Variants in YIPF6 observed in about 807,000 individuals in gnomAD.
The protein encoded by YIPF6 is protein YIPF6.
A neutral mutation model predicts 16.8 loss-of-function variants in YIPF6; 3 were observed. That is an observed-to-expected ratio of 0.18 (90% CI 0.08 to 0.46). The LOEUF (loss-of-function observed/expected upper bound fraction) is 0.46, where lower values mean the gene tolerates loss of function less well. YIPF6 is among the 20% of genes least tolerant of loss of function. The pLI is 0.98. For synonymous variants in YIPF6, 67 were observed against 61.9 expected (o/e 1.08, Z -0.38); for missense variants, 145 against 184.9 (o/e 0.78, Z 1.25).
chrX:68,515,431 C>T (rs1323163091), intron 3 of YIPF6: 1 of 111,772 alleles, frequency 8.9e-6, no homozygotes, highest in African/African-American at 3.2e-5. Context: ...GAGCCACTGC[C>T]CAGCCAATGT....
At chrX:68,530,318 A>G (rs1216885595) in intron 6 of YIPF6, among the ~76,000 whole-genome samples, 3 of 110,801 alleles carry the variant, frequency 2.7e-5, no homozygotes, top group East Asian at 5.8e-4. Context: ...CCTTCCCTCC[A>G]CCAAGCTCAA....
intron 6 of YIPF6, among the ~76,000 whole-genome samples, chrX:68,527,309 C>T (rs2079152674): frequency 9.0e-6 from 1 of 111,728 alleles, no homozygotes; most frequent in Admixed American, 9.5e-5. Flanking sequence ...TCTGTGGGAT[C>T]AGTGTTGATC....
intron 1 of YIPF6, among the ~76,000 whole-genome samples, chrX:68,506,706 A>C (rs1393337387): frequency 9.0e-6 from 1 of 111,389 alleles, no homozygotes; most frequent in Non-Finnish European, 1.9e-5. Flanking sequence ...TCTCTAAAAA[A>C]AAACAATAAA....
chrX:68,515,035 T>C, intron 3 of YIPF6: 1 of 111,816 alleles, frequency 8.9e-6, no homozygotes, highest in Admixed American at 9.5e-5. Context: ...TGTCTAAAAC[T>C]CCTGGCCTTG....
intron 5 of YIPF6, among the ~76,000 whole-genome samples, chrX:68,521,880 C>T (rs976002504): frequency 3.6e-5 from 4 of 110,821 alleles, no homozygotes; most frequent in African/African-American, 1.3e-4. Flanking sequence ...AGGCATGAGC[C>T]ACCATACCTG....
intron 1 of YIPF6, among the ~76,000 whole-genome samples, chrX:68,508,759 C>T (rs1418288268): frequency 8.9e-6 from 1 of 112,270 alleles, no homozygotes; most frequent in Admixed American, 9.5e-5. Flanking sequence ...ACATAGTAAT[C>T]TTAAATTTCT....
At chrX:68,531,854 CTTTT>C in intron 6 of YIPF6, 23 bp from the exon 7 acceptor site, 1 of 1,034,822 alleles carries the variant, frequency 9.7e-7, no homozygotes, top group Non-Finnish European at 1.3e-6. Context: ...TTAAACATTC[CTTTT>C]TGTTTTGTCT....
At chrX:68,523,449 A>G (rs2079135130) in intron 6 of YIPF6, among the ~76,000 whole-genome samples, 1 of 111,867 alleles carries the variant, frequency 8.9e-6, no homozygotes, top group African/African-American at 3.2e-5. Flanking sequence ...TGTGAGTAAG[A>G]GAGTCAAATT....
At chrX:68,516,662 A>C (rs932480439) in intron 3 of YIPF6, among the ~76,000 whole-genome samples, 2 of 112,116 alleles carry the variant, frequency 1.8e-5, no homozygotes, top group African/African-American at 6.5e-5. Flanking sequence ...TAAGTATATA[A>C]ATTTGCGTAC....
intron 6 of YIPF6, among the ~76,000 whole-genome samples, chrX:68,531,147 C>T (rs1295859004): frequency 9.0e-6 from 1 of 110,773 alleles, no homozygotes; most frequent in African/African-American, 3.3e-5. Flanking sequence ...TTTTTTGAGA[C>T]TGGGTCTTTC....
intron 1 of YIPF6, among the ~76,000 whole-genome samples, chrX:68,502,996 A>C (rs2079046493): frequency 9.1e-6 from 1 of 110,417 alleles, no homozygotes; most frequent in Admixed American, 9.7e-5. Context: ...TGTGCAGCAA[A>C]TTTTTGTATT....
chrX:68,532,007 A>G lies in YIPF6; in HGVS notation c.*8A>G. 3 of 1,149,218 alleles carry G rather than the reference A, an allele frequency of 2.6e-6. No individual in the cohort carries two copies. The highest frequency in any genetic ancestry group is 3.6e-6 in the Non-Finnish European group (3 of 842,589). 94.7% of individuals were successfully genotyped at this position (1,149,218 alleles called of 1,213,427 possible). A position where few individuals can be genotyped will look rare whatever the true frequency, so the allele number is the denominator to read the frequency against. On this transcript the variant is annotated 3_prime_UTR_variant, in exon 7 of 7. Coordinates refer to ENST00000462683, the MANE Select transcript of YIPF6 (RefSeq NM_173834.4). ...ACCTTTACTCCTCAGTAAATCAGGA[A>G]TGGGAAATTAAAAACCAGTGAATTG...
At chrX:68,517,232 C>T (rs1366960172) in intron 3 of YIPF6, among the ~76,000 whole-genome samples, 2 of 111,948 alleles carry the variant, frequency 1.8e-5, no homozygotes, top group African/African-American at 6.5e-5. Context: ...ACTGCAACCT[C>T]TGCCACCCGG....
chrX:68,510,594 ATTT>A (rs1178267864), intron 1 of YIPF6: 1 of 80,222 alleles, frequency 1.2e-5, no homozygotes, highest in Non-Finnish European at 2.0e-5. Context: ...TATTTTATTT[ATTT>A]TATTTATTTA....
At chrX:68,527,202 GA>G (rs967056728) in intron 6 of YIPF6, among the ~76,000 whole-genome samples, 2 of 111,599 alleles carry the variant, frequency 1.8e-5, no homozygotes, top group Non-Finnish European at 3.8e-5. Flanking sequence ...TTAGTCTTGG[GA>G]GGGATTATGT....
chrX:68,516,855 G>T (rs1258854719), intron 3 of YIPF6, among the ~76,000 whole-genome samples: 1 of 110,933 alleles, frequency 9.0e-6, no homozygotes, highest in Admixed American at 9.6e-5. Flanking sequence ...CTGTCACCCA[G>T]GCTGGAGTGT....
chrX:68,520,528 G>A (rs991169388), intron 4 of YIPF6, among the ~76,000 whole-genome samples: 1 of 111,576 alleles, frequency 9.0e-6, no homozygotes, highest in East Asian at 2.8e-4. Context: ...GGCTGAGTTG[G>A]TGGTGTGATT....
At chrX:68,530,104 G>A (rs1013759173) in intron 6 of YIPF6, among the ~76,000 whole-genome samples, 1 of 111,882 alleles carries the variant, frequency 8.9e-6, no homozygotes, top group African/African-American at 3.3e-5. Context: ...CATGAAGATG[G>A]GAGTTTTATC....
intron 1 of YIPF6, among the ~76,000 whole-genome samples, chrX:68,511,243 A>C: frequency 8.9e-6 from 1 of 112,617 alleles, no homozygotes; most frequent in South Asian, 3.6e-4. Context: ...CATTGCCTCT[A>C]TTTTCTTAGG....
Sources: gnomAD v4.1 joint callset for allele counts (sites outside exome capture counted in the v4.1 genomes callset) on GRCh38, gnomAD v4.1.1 for gene constraint, MANE v1.5 for transcripts, NCBI Gene and HGNC (gene_info 2026-07-23, HGNC 2026-07-21) for gene names.